The following PITPNM2 variants were observed in gnomAD, a reference collection of about 807,000 sequenced individuals.
PITPNM2 encodes the protein membrane-associated phosphatidylinositol transfer protein 2.
In PITPNM2, 35 loss-of-function variants were observed where a neutral mutation model predicts 132.2. The observed-to-expected ratio is 0.26, with a 90% CI of 0.20 to 0.35. The LOEUF is 0.35. Among genes scored for constraint, PITPNM2 ranks in the 10% least tolerant of loss-of-function variants. The pLI is 1.00. For missense variants in PITPNM2, 1,332 were observed against 1,912.0 expected (o/e 0.70, Z 5.66); for synonymous variants, 738 against 799.2 (o/e 0.92, Z 1.29).
chr12:123,102,025 C>A (rs980407596), intron 2 of PITPNM2, among the ~76,000 whole-genome samples: 1 of 152,164 alleles, frequency 6.6e-6, no homozygotes, highest in Non-Finnish European at 1.5e-5. Context: ...AAAACAAATT[C>A]TTAAAAATAA....
intron 2 of PITPNM2, among the ~76,000 whole-genome samples, chr12:123,104,598 G>C (rs111987234): frequency 6.6e-6 from 1 of 151,422 alleles, no homozygotes; most frequent in East Asian, 1.9e-4. Flanking sequence ...AGCACCTTGC[G>C]ACCCCCACTC....
intron 3 of PITPNM2, among the ~76,000 whole-genome samples, chr12:123,018,712 G>A (rs980500186): frequency 6.6e-6 from 1 of 151,144 alleles, no homozygotes; most frequent in Non-Finnish European, 1.5e-5. Context: ...ACCACCCAGA[G>A]CTTTGGCATT....
chr12:123,103,128 CA>C (rs1264966434), intron 2 of PITPNM2, among the ~76,000 whole-genome samples: 1 of 152,190 alleles, frequency 6.6e-6, no homozygotes, highest in Non-Finnish European at 1.5e-5. Flanking sequence ...TTGGTAGACA[CA>C]AGGCCTCTGG....
intron 2 of PITPNM2, among the ~76,000 whole-genome samples, chr12:123,041,439 T>TG (rs2040469484): frequency 6.6e-6 from 1 of 152,154 alleles, no homozygotes; most frequent in Non-Finnish European, 1.5e-5. Flanking sequence ...ACGGACCTAC[T>TG]GGGGTGAGAT....
At chr12:123,128,955 C>T (rs550551904) in intron 1 of PITPNM2, among the ~76,000 whole-genome samples, 72 of 151,746 alleles carry the variant, frequency 4.7e-4, no homozygotes, top group African/African-American at 1.7e-3. Context: ...GCCAACATGG[C>T]GAAATCCCGT....
At chr12:122,999,723 T>C (rs1239118555) in intron 10 of PITPNM2, among the ~76,000 whole-genome samples, 1 of 152,124 alleles carries the variant, frequency 6.6e-6, no homozygotes, top group African/African-American at 2.4e-5. Flanking sequence ...CCTGCAGCTG[T>C]AGAGGCATCC....
In PITPNM2 at chr12:123,009,475, G is replaced by C. The variant is rs372979622; in HGVS notation, c.643+375C>G. 6.6e-6 allele frequency among the ~76,000 whole-genome samples: 1 copy of C among 152,170 alleles called. No homozygotes were observed. The highest frequency in any genetic ancestry group is 6.5e-5 in the Admixed American group (1 of 15,280). ...CTTGAGTAGAGGAAACAAAGGCCTG[G>C]GAGCCCAGAGGCCCAGATGAGCAGC... On this transcript the variant is annotated intron_variant, in intron 6 of 25. Coordinates refer to ENST00000320201, the MANE Select transcript of PITPNM2 (RefSeq NM_020845.3). The surrounding 1 kb of genome is among the most constrained non-coding windows in gnomAD (Gnocchi z 4.8).
At chr12:123,011,961 G>T (rs555644457) in intron 5 of PITPNM2, among the ~76,000 whole-genome samples, 1 of 152,292 alleles carries the variant, frequency 6.6e-6, no homozygotes, top group South Asian at 2.1e-4. Context: ...CCTGGGCCAT[G>T]GACACCCACC....
chr12:123,097,622 G>A lies in PITPNM2; in HGVS notation c.-96+12763C>T, dbSNP rs1428277030. 2.0e-5 allele frequency among the ~76,000 whole-genome samples: 3 copies of A among 152,208 alleles called. No individual in the cohort carries two copies. The highest frequency in any genetic ancestry group is 1.3e-4 in the Admixed American group (2 of 15,288). On this transcript the variant is annotated intron_variant, in intron 2 of 25. Coordinates refer to ENST00000320201, the MANE Select transcript of PITPNM2 (RefSeq NM_020845.3). The surrounding 1 kb of genome is among the most constrained non-coding windows in gnomAD (Gnocchi z 4.7). ...TTATAGCCAAGCAGCCTGTCCGCAC[G>A]CTCTCCAGTGCAGCCTGCCTCACTT... is the stretch of plus-strand genomic sequence containing the variant.
chr12:123,061,159 A>G (rs1348388098), intron 2 of PITPNM2, among the ~76,000 whole-genome samples: 4 of 152,094 alleles, frequency 2.6e-5, no homozygotes, highest in African/African-American at 9.7e-5. Context: ...TCTAAACCCA[A>G]AGGTCTTCAC....
intron 2 of PITPNM2, among the ~76,000 whole-genome samples, chr12:123,049,626 T>C (rs1229823906): frequency 6.6e-6 from 1 of 152,070 alleles, no homozygotes; most frequent in African/African-American, 2.4e-5. Context: ...ACAGTGTAGA[T>C]TTCCTCTCCT....
At chr12:123,065,752 C>T (rs542493607) in intron 2 of PITPNM2, among the ~76,000 whole-genome samples, 2 of 152,258 alleles carry the variant, frequency 1.3e-5, no homozygotes, top group Admixed American at 1.3e-4. Flanking sequence ...CCTTAGGGGA[C>T]ATCATCCCCA....
chr12:122,986,446 T>C lies in PITPNM2; in HGVS notation c.3716A>G (p.Gln1239Arg). 6.4e-7 allele frequency: 1 copy of C among 1,573,372 alleles called. No homozygotes were observed. Among genetic ancestry groups the C allele is most frequent in the Non-Finnish European group, 8.6e-7 (1 of 1,160,000 alleles). The change falls in exon 25 of 26, where the codon CAG (glutamine) becomes CGG (arginine). Residue 1239 changes from glutamine (Q) to arginine (R), a missense_variant. Physicochemically the swap from Gln to Arg is conservative, Grantham distance 43. This residue lies in a region of PITPNM2 where 251 missense variants were observed against 472.0 expected (regional missense o/e 0.53). Transcript: ENST00000320201. Reference protein sequence around the residue: ...IVGRPTKKLQQQCQFITDGYA... With the variant: ...IVGRPTKKLQRQCQFITDGYA... Reference sequence around the variant, plus strand: ...AATGCGCCCACTCACCTGGCACTGCTGCTGCAGCTTCTTGGTGGGCCGGCC... The same window carrying C: ...AATGCGCCCACTCACCTGGCACTGCCGCTGCAGCTTCTTGGTGGGCCGGCC...
chr12:123,094,898 C>T (rs894847130), intron 2 of PITPNM2, among the ~76,000 whole-genome samples: 4 of 152,220 alleles, frequency 2.6e-5, no homozygotes, highest in Admixed American at 2.0e-4. Flanking sequence ...GCCACACAAC[C>T]TCTCCTTTCT....
At chr12:123,112,818 G>A (rs1209011042) in intron 1 of PITPNM2, among the ~76,000 whole-genome samples, 1 of 152,078 alleles carries the variant, frequency 6.6e-6, no homozygotes, top group Non-Finnish European at 1.5e-5. Flanking sequence ...GATTACAGGC[G>A]TGAGCCACTG....
At chr12:123,044,169 G>C (rs139787858) in intron 2 of PITPNM2, among the ~76,000 whole-genome samples, 92 of 152,278 alleles carry the variant, frequency 6.0e-4, no homozygotes, top group Non-Finnish European at 9.0e-4. Context: ...CAGCAGTTAG[G>C]GTCTAAGCTG....
In PITPNM2 at chr12:122,990,674, C is replaced by T. The variant is rs768136428; in HGVS notation, c.2440G>A (p.Glu814Lys). The T allele has an allele frequency of 3.7e-6, 6 of 1,611,410 alleles. No homozygotes were observed. Among genetic ancestry groups the T allele is most frequent in the East Asian group, 2.2e-5 (1 of 44,878 alleles). The change falls in exon 17 of 26, where the codon GAG becomes AAG. Residue 814 changes from glutamate to lysine, a missense_variant. Glu to Lys is a moderately conservative substitution (Grantham distance 56). Around this residue, in one of 6 missense-constraint regions of PITPNM2, gnomAD observed 710 missense variants for 911.5 expected, o/e 0.78. Coordinates refer to ENST00000320201, the MANE Select transcript of PITPNM2 (RefSeq NM_020845.3). The part of the protein sequence containing the change: ...VLQTHNAAFQ[E>K]HGAPSSPGTA... ...CCCGGCGAGGAGGGGGCGCCATGCT[C>T]TTGGAAGGCTGCATTGTGGGTCTGG...
At chr12:123,025,468 T>C (rs1408160480) in intron 3 of PITPNM2, among the ~76,000 whole-genome samples, 3 of 151,382 alleles carry the variant, frequency 2.0e-5, no homozygotes, top group African/African-American at 7.3e-5. Flanking sequence ...AGTTTCGCTC[T>C]TCTTGCCCAG....
chr12:122,989,840 G>A lies in PITPNM2; in HGVS notation c.2678C>T (p.Ala893Val), dbSNP rs751423756. The change falls in exon 18 of 26, where the codon GCA becomes GTA. Residue 893 changes from alanine to valine, a missense_variant. Physicochemically the swap from Ala to Val is moderately conservative, Grantham distance 64. Coordinates refer to ENST00000320201, the MANE Select transcript of PITPNM2 (RefSeq NM_020845.3). ...AGGGGCCCTCTCCAGGCCAGGGCTT[G>A]CCTTCCTGGCTGGAGGGTGGGGGCC... is the stretch of plus-strand genomic sequence containing the variant. ...TPGPHPPARK[A>V]SPGLERAPGL... 5.1e-6 allele frequency: 7 copies of A among 1,382,346 alleles called. No individual in the cohort carries two copies. Among genetic ancestry groups the A allele is most frequent in the African/African-American group, 3.0e-5 (2 of 66,528 alleles). The allele number at this position is 1,382,346 out of a possible 1,614,324, so 85.6% of individuals were successfully genotyped here.
Sources: allele counts gnomAD v4.1 joint callset (sites outside exome capture counted in the v4.1 genomes callset), GRCh38; gene constraint gnomAD v4.1.1; regional missense constraint gnomAD v4.1.1; non-coding constraint Gnocchi (gnomAD v3.1); transcripts MANE v1.5; gene names NCBI Gene and HGNC (gene_info 2026-07-23, HGNC 2026-07-21).